The following CLEC16A variants were observed in gnomAD, a reference collection of about 807,000 sequenced individuals.
CLEC16A encodes the protein C-type lectin domain containing 16A, also known as protein CLEC16A.
In CLEC16A, 51 loss-of-function variants were observed where a neutral mutation model predicts 109.5. That is an observed-to-expected ratio of 0.47 (90% CI 0.37 to 0.59). CLEC16A has a LOEUF of 0.59. CLEC16A is among the 20% of genes least tolerant of loss of function. The pLI, the probability that CLEC16A is intolerant of heterozygous loss-of-function variation, is 0.00. For synonymous variants in CLEC16A, 673 were observed against 564.2 expected, an observed-to-expected ratio of 1.19 and a Z score of -2.73; for missense variants, 1,339 against 1,394.0, an observed-to-expected ratio of 0.96 and a Z score of 0.63.
intron 10 of CLEC16A, among the ~76,000 whole-genome samples, chr16:10,992,938 A>G (rs922758781): frequency 1.3e-5 from 2 of 152,186 alleles, no homozygotes; most frequent in South Asian, 4.2e-4. Flanking sequence ...AGGCCTGCTG[A>G]GAGTTGAGGG....
At chr16:11,039,615 GAAAAGAAAA>G in intron 13 of CLEC16A, 130 bp from the exon 14 acceptor site, 2 of 1,110,434 alleles carry the variant, frequency 1.8e-6, no homozygotes, top group Non-Finnish European at 2.5e-6. Flanking sequence ...CTAAAAAAAA[GAAAAGAAAA>G]AGGAAAAGAA....
intron 1 of CLEC16A, among the ~76,000 whole-genome samples, chr16:10,947,507 A>G (rs1466612141): frequency 1.3e-5 from 2 of 152,226 alleles, no homozygotes; most frequent in Admixed American, 6.5e-5. Flanking sequence ...AGAAGCCACC[A>G]TTGGCGGGCA....
At chr16:11,044,355 A>G (rs896174134) in intron 16 of CLEC16A, 3 of 289,062 alleles carry the variant, frequency 1.0e-5, no homozygotes, top group Non-Finnish European at 1.9e-5. Context: ...ATTATATGTA[A>G]ATTATGAACT....
intron 9 of CLEC16A, among the ~76,000 whole-genome samples, chr16:10,980,355 G>A (rs1184466710): frequency 6.6e-6 from 1 of 152,022 alleles, no homozygotes; most frequent in Non-Finnish European, 1.5e-5. Context: ...GTACGACGGC[G>A]CTGAGCATAA....
intron 19 of CLEC16A, among the ~76,000 whole-genome samples, chr16:11,119,657 G>A (rs2052256974): frequency 6.6e-6 from 1 of 152,186 alleles, no homozygotes; most frequent in South Asian, 2.1e-4. Context: ...CTCCCAAAGT[G>A]CTGGAATTAC....
chr16:11,100,966 G>A (rs35383879), intron 19 of CLEC16A, among the ~76,000 whole-genome samples: 28,995 of 152,108 alleles, frequency 0.19, 2,804 homozygotes, highest in South Asian at 0.25. Flanking sequence ...CTGTGGCTGC[G>A]TGAGGGCCAG....
chr16:11,126,691 G>C (rs936965726), intron 22 of CLEC16A: 7 of 175,000 alleles, frequency 4.0e-5, no homozygotes, highest in African/African-American at 9.5e-5. Context: ...GTCCATTGCT[G>C]ATTTGTCAGA....
At chr16:11,027,097 C>T (rs2046449310) in intron 13 of CLEC16A, 2 of 1,529,580 alleles carry the variant, frequency 1.3e-6, no homozygotes, top group East Asian at 2.2e-5. Context: ...GCTTATCAGG[C>T]ACTCAAAGCC....
chr16:11,165,906 G>A (rs546529507), intron 22 of CLEC16A, among the ~76,000 whole-genome samples: 12 of 152,316 alleles, frequency 7.9e-5, no homozygotes, highest in East Asian at 1.9e-4. Context: ...TGGAAGGAGC[G>A]TCCAGGGCAC....
intron 19 of CLEC16A, among the ~76,000 whole-genome samples, chr16:11,088,626 G>A (rs780190873): frequency 1.4e-4 from 22 of 152,148 alleles, no homozygotes; most frequent in Non-Finnish European, 2.8e-4. Context: ...CCAGCCACGC[G>A]CGGAGAGCTT....
At chr16:11,042,384 C>T in intron 15 of CLEC16A, 21 bp downstream of exon 15, 1 of 1,536,312 alleles carries the variant, frequency 6.5e-7, no homozygotes, top group Non-Finnish European at 8.8e-7. Flanking sequence ...CTCCGCTCCT[C>T]CTTCCTGTGG....
rs2042635945 is a variant in CLEC16A, at chr16:10,968,746, CTG to C, written c.344-412_344-411del. ...CTATATAAGGAGGAAAAAAACCCTA[CTG>C]TGGCCTTCAGAGTTGATGATGTGAT... On this transcript the variant is annotated intron_variant, in intron 3 of 23. Coordinates refer to ENST00000409790, the MANE Select transcript of CLEC16A (RefSeq NM_015226.3). Among the ~76,000 whole-genome samples the C allele has an allele frequency of 1.3e-5, 2 of 152,162 alleles. 1 individual carries two copies. The highest frequency in any genetic ancestry group is 4.1e-4 in the South Asian group (2 of 4,822).
In CLEC16A at chr16:11,181,063, T is replaced by C. The variant is rs2068938832; in HGVS notation, c.*2373T>C. ...TGCGTCTGGGGGACACCTCCAGGTG[T>C]GTGGGGTGAGGATTTCCTATAACCA... On this transcript the variant is annotated 3_prime_UTR_variant, in exon 24 of 24. Transcript: ENST00000409790. 2 of 152,244 alleles carry C rather than the reference T, an allele frequency of 1.3e-5. No homozygotes were observed. The highest frequency in any genetic ancestry group is 4.1e-4 in the South Asian group (2 of 4,824). The allele number at this position is 152,244 out of a possible 1,614,324, so 9.4% of individuals were successfully genotyped here.
intron 22 of CLEC16A, among the ~76,000 whole-genome samples, chr16:11,147,113 A>T (rs1216300038): frequency 6.6e-6 from 1 of 151,624 alleles, no homozygotes; most frequent in Non-Finnish European, 1.5e-5. Context: ...CATAGACAGG[A>T]GAGCATTGAT....
At chr16:11,126,530 C>T in intron 22 of CLEC16A, 1 of 734,434 alleles carries the variant, frequency 1.4e-6, no homozygotes, top group Non-Finnish European at 2.0e-6. Flanking sequence ...GGTTACAACC[C>T]CCTGAAGAAG....
chr16:11,082,751 G>A (rs773913990), intron 19 of CLEC16A, among the ~76,000 whole-genome samples: 10 of 152,192 alleles, frequency 6.6e-5, no homozygotes, highest in Non-Finnish European at 1.2e-4. Flanking sequence ...CTGGCTTGAG[G>A]TAGAAGTCCT....
intron 10 of CLEC16A, among the ~76,000 whole-genome samples, chr16:10,995,669 C>T (rs886166348): frequency 1.3e-5 from 2 of 152,136 alleles, no homozygotes; most frequent in African/African-American, 2.4e-5. Context: ...CCCATGGTGG[C>T]GTGTGATATG....
At chr16:11,108,005 C>T (rs182756376) in intron 19 of CLEC16A, among the ~76,000 whole-genome samples, 2 of 152,246 alleles carry the variant, frequency 1.3e-5, no homozygotes, top group Non-Finnish European at 2.9e-5. Context: ...CAGCTGCATT[C>T]TGTCATCAGG....
At chr16:11,130,681 G>A (rs780929638) in intron 22 of CLEC16A, among the ~76,000 whole-genome samples, 7 of 152,192 alleles carry the variant, frequency 4.6e-5, no homozygotes, top group East Asian at 1.9e-4. Context: ...GTGCTGGGGC[G>A]TGACCACTTC....
Sources: gnomAD v4.1 joint callset for allele counts (sites outside exome capture counted in the v4.1 genomes callset) on GRCh38, gnomAD v4.1.1 for gene constraint, MANE v1.5 for transcripts, NCBI Gene and HGNC (gene_info 2026-07-23, HGNC 2026-07-21) for gene names.